Variants in PCDH7 observed in about 807,000 individuals in gnomAD.
The protein encoded by PCDH7 is protocadherin-7.
A neutral mutation model predicts 58.9 loss-of-function variants in PCDH7; 17 were observed. The observed-to-expected ratio is 0.29, with a 90% CI of 0.20 to 0.43. The LOEUF (loss-of-function observed/expected upper bound fraction) is 0.43. Ranked by LOEUF, PCDH7 falls within the 20% of genes least tolerant of loss-of-function variation. The pLI is 1.00. For missense variants in PCDH7, 1,274 were observed against 1,441.0 expected, an observed-to-expected ratio of 0.88 and a Z score of 1.88; for synonymous variants, 664 against 616.4, an observed-to-expected ratio of 1.08 and a Z score of -1.14.
At chr4:31,077,446 A>T (rs556776192) in intron 3 of PCDH7, among the ~76,000 whole-genome samples, 3 of 152,116 alleles carry the variant, frequency 2.0e-5, no homozygotes, top group Non-Finnish European at 2.9e-5. Context: ...AAAGAAAAAA[A>T]ATATGCAAGT....
At chr4:31,078,460 C>CT (rs1759186302) in intron 3 of PCDH7, among the ~76,000 whole-genome samples, 1 of 150,662 alleles carries the variant, frequency 6.6e-6, no homozygotes, top group African/African-American at 2.4e-5. Flanking sequence ...CTTTTTTTTT[C>CT]TTCCTTTCTT....
chr4:30,918,087 C>A (rs1742712577), intron 1 of PCDH7, among the ~76,000 whole-genome samples: 2 of 152,100 alleles, frequency 1.3e-5, no homozygotes, highest in Admixed American at 1.3e-4. Flanking sequence ...CAGCAGTTGA[C>A]CCTCCTTTCT....
intron 3 of PCDH7, among the ~76,000 whole-genome samples, chr4:31,046,945 T>G (rs1256833710): frequency 1.3e-5 from 2 of 152,038 alleles, no homozygotes; most frequent in Non-Finnish European, 2.9e-5. Flanking sequence ...ATTTAATAAT[T>G]GTTATAAAGG....
intron 1 of PCDH7, among the ~76,000 whole-genome samples, chr4:30,862,706 T>C (rs1365911382): frequency 6.6e-6 from 1 of 152,144 alleles, no homozygotes; most frequent in East Asian, 1.9e-4. Flanking sequence ...CTTTCTTTTC[T>C]TAGTAGCTTC....
At chr4:30,736,376 G>T (rs1285470273), downstream of PCDH7, among the ~76,000 whole-genome samples, 1 of 151,986 alleles carries the variant, frequency 6.6e-6, no homozygotes, top group African/African-American at 2.4e-5. Flanking sequence ...AAACAATAAA[G>T]ATTAAATGGA....
Position 30,897,167 on chromosome 4 carries a change from G to C in PCDH7, c.71-22986G>C, listed in dbSNP as rs554539790. On this transcript the variant is annotated intron_variant, in intron 1 of 3. Coordinates refer to the PCDH7 transcript ENST00000509759. ...CATCCTCCCGCCTCGGCCTCCCAAA[G>C]TGCTGGGATTACAGGCGTGAGCCAC... 1.1e-3 allele frequency among the ~76,000 whole-genome samples: 173 copies of C among 152,072 alleles called. 2 individuals carry two copies. The highest frequency in any genetic ancestry group is 1.6e-4 in the Non-Finnish European group (11 of 67,988).
chr4:31,022,639 A>C (rs1461773864), intron 3 of PCDH7, among the ~76,000 whole-genome samples: 1 of 152,206 alleles, frequency 6.6e-6, no homozygotes, highest in Non-Finnish European at 1.5e-5. Flanking sequence ...AGGAGAGGTG[A>C]GGAGAATGTT....
At chr4:30,994,064 T>A (rs888388392) in intron 3 of PCDH7, among the ~76,000 whole-genome samples, 7 of 87,370 alleles carry the variant, frequency 8.0e-5, no homozygotes, top group African/African-American at 5.3e-4. Flanking sequence ...TGTAGACAAA[T>A]AAGTATAATA....
chr4:31,113,041 AT>A (rs993115445), intron 3 of PCDH7, among the ~76,000 whole-genome samples: 6 of 151,766 alleles, frequency 4.0e-5, no homozygotes, highest in African/African-American at 9.7e-5. Flanking sequence ...TCTTATTGGT[AT>A]TTTTTTTAAG....
At chr4:30,756,082 A>T (rs1445784096) in intron 1 of PCDH7, among the ~76,000 whole-genome samples, 1 of 152,116 alleles carries the variant, frequency 6.6e-6, no homozygotes, top group South Asian at 2.1e-4. Context: ...AGTCTCAAAA[A>T]CCAACCAACC....
intron 3 of PCDH7, among the ~76,000 whole-genome samples, chr4:30,995,553 A>T (rs1751825356): frequency 6.6e-6 from 1 of 151,778 alleles, no homozygotes; most frequent in Non-Finnish European, 1.5e-5. Context: ...GGGTGTGTTT[A>T]TTTCCTATTT....
intron 3 of PCDH7, among the ~76,000 whole-genome samples, chr4:31,126,316 C>G (rs1718297669): frequency 6.6e-6 from 1 of 151,712 alleles, no homozygotes; most frequent in African/African-American, 2.4e-5. Flanking sequence ...CCATTATACC[C>G]AGCTATTTTT....
intron 1 of PCDH7, among the ~76,000 whole-genome samples, chr4:30,912,083 T>C (rs4441719): frequency 0.69 from 105,565 of 152,008 alleles, 36,927 homozygotes; most frequent in African/African-American, 0.79. Context: ...TTTTAATTAA[T>C]GAATCCAAAT....
chr4:30,873,064 C>T (rs1248428480), intron 1 of PCDH7, among the ~76,000 whole-genome samples: 2 of 152,050 alleles, frequency 1.3e-5, no homozygotes, highest in African/African-American at 4.8e-5. Context: ...TAAATGAATA[C>T]ACCATGATTA....
intron 3 of PCDH7, among the ~76,000 whole-genome samples, chr4:31,009,968 T>G (rs953031351): frequency 2.0e-5 from 3 of 152,040 alleles, no homozygotes; most frequent in Non-Finnish European, 2.9e-5. Flanking sequence ...GCTTTGCCAT[T>G]TTTGAATTAT....
intron 1 of PCDH7, among the ~76,000 whole-genome samples, chr4:30,767,034 T>A (rs901474611): frequency 2.0e-5 from 3 of 152,176 alleles, no homozygotes; most frequent in African/African-American, 7.2e-5. Flanking sequence ...TAAACCTATA[T>A]CTGATACTTT....
At chr4:31,068,945 T>C (rs755048756) in intron 3 of PCDH7, among the ~76,000 whole-genome samples, 34 of 152,008 alleles carry the variant, frequency 2.2e-4, no homozygotes, top group Non-Finnish European at 4.1e-4. Context: ...ACATTTGTTT[T>C]AAAATATGGC....
chr4:31,072,930 G>T (rs139234654), intron 3 of PCDH7, among the ~76,000 whole-genome samples: 8 of 152,180 alleles, frequency 5.3e-5, no homozygotes, highest in African/African-American at 1.7e-4. Flanking sequence ...ATAATCAAAA[G>T]GCAGTATAAT....
chr4:30,964,431 C>T (rs911734732), intron 3 of PCDH7, among the ~76,000 whole-genome samples: 2 of 151,594 alleles, frequency 1.3e-5, no homozygotes, highest in Non-Finnish European at 1.5e-5. Flanking sequence ...TTAGTAGAGA[C>T]GGGGTTTCAC....
Sources: gnomAD v4.1 joint callset for allele counts (sites outside exome capture counted in the v4.1 genomes callset) on GRCh38, gnomAD v4.1.1 for gene constraint, MANE v1.5 for transcripts, NCBI Gene and HGNC (gene_info 2026-07-23, HGNC 2026-07-21) for gene names.